GNAL: variants seen among roughly 807,000 people sequenced by gnomAD.
GNAL encodes G protein subunit alpha L, also known as guanine nucleotide-binding protein G(olf) subunit alpha.
Under a neutral mutation model 55.1 loss-of-function variants are expected in GNAL, and 18 were observed. The observed-to-expected ratio is 0.33, with a 90% CI of 0.23 to 0.48. The LOEUF (loss-of-function observed/expected upper bound fraction) is 0.48, where lower values mean the gene tolerates loss of function less well. GNAL is among the 20% of genes least tolerant of loss of function. The probability of loss-of-function intolerance (pLI) is 0.99; values close to 1 mark genes in which losing one functional copy is unlikely to be tolerated. For synonymous variants in GNAL, 253 were observed against 237.0 expected (o/e 1.07, Z -0.62); for missense variants, 412 against 614.1 (o/e 0.67, Z 3.48).
Position 11,881,230 on chromosome 18 carries a change from C to T in GNAL, c.*95C>T, listed in dbSNP as rs2036683579. The T allele has an allele frequency of 2.2e-5, 28 of 1,253,326 alleles. 1 individual carries two copies. The highest frequency in any genetic ancestry group is 3.0e-5 in the African/African-American group (2 of 67,636). 77.6% of individuals were successfully genotyped at this position (1,253,326 alleles called of 1,614,324 possible). The stretch of plus-strand genomic sequence containing the variant: ...GGAGGCAGAGTCTCTAGTTCCATCT[C>T]GCTGCCGTCTGTCCCGTTCTGTGTC... On this transcript the variant is annotated 3_prime_UTR_variant, in exon 12 of 12. Coordinates refer to ENST00000334049, the MANE Select transcript of GNAL (RefSeq NM_182978.4). The surrounding 1 kb of genome is among the most constrained non-coding windows in gnomAD (Gnocchi z 4.8).
rs66803403 is a variant in GNAL, at chr18:11,786,436, C to CTTTTTT, written c.624+32516_624+32521dup. On this transcript the variant is annotated intron_variant, in intron 4 of 11. Coordinates refer to ENST00000334049, the MANE Select transcript of GNAL (RefSeq NM_182978.4). ...GGTGGGATAGATCTTCATACGTTTT[C>CTTTTTT]TTTTTTTTTTTTTTTTTTTTTTTTT... is the stretch of plus-strand genomic sequence containing the variant. Among the ~76,000 whole-genome samples, 258 of 60,700 alleles carry CTTTTTT rather than the reference C, an allele frequency of 4.3e-3. 17 individuals carry two copies. The highest frequency in any genetic ancestry group is 0.017 in the Middle Eastern group (1 of 60). 39.8% of individuals were successfully genotyped at this position (60,700 alleles called of 152,430 possible).
At chr18:11,876,898 CAGAGCCTGGGTG>C (rs1266325742) in intron 11 of GNAL, among the ~76,000 whole-genome samples, 1 of 152,206 alleles carries the variant, frequency 6.6e-6, no homozygotes, top group Admixed American at 6.5e-5. Context: ...TTCCAACCAG[CAGAGCCTGGGTG>C]AGAACACAGC....
rs1322637092 is a variant in GNAL at position 11,753,862 on chromosome 18, G to A, written c.541G>A (p.Val181Ile). 14 of 1,609,578 alleles carry A rather than the reference G, an allele frequency of 8.7e-6. No homozygotes were observed. Among genetic ancestry groups the A allele is most frequent in the African/African-American group, 1.3e-5 (1 of 74,768 alleles). ...AGCAATGAGTACTATAATACCTCCA[G>A]TTCCGCTGGCCAACCCTGAAAACCA... ...VSAMSTIIPP[V>I]PLANPENQFR... Residue 181 changes from valine to isoleucine, a missense_variant, in exon 4 of 12, where the codon GTT (valine) becomes ATT (isoleucine). By Grantham distance (29) the Val-to-Ile change is conservative (BLOSUM62 3). Coordinates refer to ENST00000334049, the MANE Select transcript of GNAL (RefSeq NM_182978.4).
chr18:11,848,848 T>G (rs1231905603), intron 5 of GNAL, among the ~76,000 whole-genome samples: 5 of 152,224 alleles, frequency 3.3e-5, no homozygotes, highest in Non-Finnish European at 7.3e-5. Context: ...CTTCTTTCTT[T>G]AGGCTACATG....
intron 5 of GNAL, among the ~76,000 whole-genome samples, chr18:11,855,369 C>T (rs545748934): frequency 6.6e-6 from 1 of 152,352 alleles, no homozygotes; most frequent in South Asian, 2.1e-4. Context: ...AACTAGTTAA[C>T]TAGTTAATCT....
chr18:11,851,643 C>T, intron 5 of GNAL: 1 of 1,613,974 alleles, frequency 6.2e-7, no homozygotes, highest in East Asian at 2.2e-5. Flanking sequence ...AGAAGGGCAA[C>T]ATGGAAGTTG....
intron 1 of GNAL, among the ~76,000 whole-genome samples, chr18:11,714,349 C>T (rs2031904259): frequency 6.6e-6 from 1 of 151,880 alleles, no homozygotes; most frequent in African/African-American, 2.4e-5. Context: ...AAAGAGCAGA[C>T]AGGAGGGGAA....
At position 11,825,090 on chromosome 18, in the gene GNAL, G is replaced by A; in HGVS notation, c.722+75G>A. 3.7e-6 allele frequency: 3 copies of A among 815,096 alleles called. No homozygotes were observed. The South Asian group carries it at 4.7e-5, about 13-fold the overall frequency. The allele number at this position is 815,096 out of a possible 1,614,324, so 50.5% of individuals were successfully genotyped here. On this transcript the variant is annotated intron_variant, in intron 5 of 11. Transcript: ENST00000334049. ...CATGCATGATTATGCTGCCTTCTCA[G>A]TACTGAAGTTTCTTGAGTGCAAGGA... is the stretch of plus-strand genomic sequence containing the variant.
intron 4 of GNAL, among the ~76,000 whole-genome samples, chr18:11,761,738 A>T (rs2143186147): frequency 6.6e-6 from 1 of 152,216 alleles, no homozygotes; most frequent in East Asian, 1.9e-4. Context: ...ACCGCAGTGC[A>T]CCTTTGCTTC....
intron 1 of GNAL, among the ~76,000 whole-genome samples, chr18:11,748,133 A>T (rs1021161227): frequency 1.3e-5 from 2 of 152,180 alleles, no homozygotes; most frequent in African/African-American, 4.8e-5. Context: ...TGGGTTAAAA[A>T]TTTTTTTAAG....
chr18:11,825,128 C>A (rs964547411), intron 5 of GNAL, 113 bp downstream of exon 5: 19 of 642,686 alleles, frequency 3.0e-5, no homozygotes, highest in Non-Finnish European at 5.2e-5. Context: ...GAATAATTAA[C>A]CTTTTATGAC....
intron 1 of GNAL, among the ~76,000 whole-genome samples, chr18:11,747,905 G>T (rs1162537961): frequency 2.6e-5 from 4 of 152,136 alleles, no homozygotes; most frequent in African/African-American, 9.7e-5. Context: ...GGTCCCCGCA[G>T]GTGGGTGTGT....
intron 1 of GNAL, among the ~76,000 whole-genome samples, chr18:11,732,386 T>A (rs1330533625): frequency 6.6e-6 from 1 of 152,248 alleles, no homozygotes; most frequent in African/African-American, 2.4e-5. Context: ...TGAGATGTTA[T>A]TCACTGTGCT....
chr18:11,851,565 G>T, intron 5 of GNAL: 1 of 1,611,992 alleles, frequency 6.2e-7, no homozygotes, highest in Admixed American at 1.7e-5. Flanking sequence ...CCAAAGAACT[G>T]AGTAGGAGTG....
At chr18:11,874,904 T>G (rs2036495244) in intron 10 of GNAL, among the ~76,000 whole-genome samples, 1 of 143,762 alleles carries the variant, frequency 7.0e-6, no homozygotes, top group African/African-American at 2.6e-5. Flanking sequence ...CTTCTATGAA[T>G]CTGTGAGTAA....
chr18:11,867,421 G>A (rs191788752), intron 8 of GNAL, among the ~76,000 whole-genome samples, 195 bp downstream of exon 8: 93 of 152,244 alleles, frequency 6.1e-4, no homozygotes, highest in Admixed American at 1.1e-3. Flanking sequence ...GCTCACGCCC[G>A]TAATCCCAGC....
intron 4 of GNAL, among the ~76,000 whole-genome samples, chr18:11,755,826 C>T (rs1016510086): frequency 3.9e-5 from 6 of 152,148 alleles, no homozygotes; most frequent in African/African-American, 1.2e-4. Flanking sequence ...CCAGGATCCT[C>T]TGCTAACTGG....
chr18:11,689,752 C>T lies in GNAL; in HGVS notation c.189C>T (p.Cys63=). The change falls in exon 1 of 12, where the codon TGC becomes TGT. Residue 63 remains cysteine, a synonymous_variant. Coordinates refer to ENST00000334049, the MANE Select transcript of GNAL (RefSeq NM_182978.4). ...LPRGGEGSPA[C]ARPKADKPKE... is the part of the protein sequence containing the mutation. ...GGGGCGGCGAAGGGAGCCCGGCATG[C>T]GCTCGGCCCAAAGCAGACAAGCCGA... 2 of 1,509,824 alleles carry T rather than the reference C, an allele frequency of 1.3e-6. No homozygotes were observed. Among genetic ancestry groups the T allele is most frequent in the East Asian group, 2.8e-5 (1 of 35,908 alleles). 93.5% of individuals were successfully genotyped at this position (1,509,824 alleles called of 1,614,324 possible).
intron 1 of GNAL, among the ~76,000 whole-genome samples, chr18:11,748,507 C>T (rs1253194573): frequency 7.1e-6 from 1 of 140,912 alleles, no homozygotes; most frequent in Non-Finnish European, 1.5e-5. Context: ...ATATTAACTT[C>T]CTGGGTATAT....
Sources: allele counts gnomAD v4.1 joint callset (sites outside exome capture counted in the v4.1 genomes callset), GRCh38; gene constraint gnomAD v4.1.1; non-coding constraint Gnocchi (gnomAD v3.1); transcripts MANE v1.5; gene names NCBI Gene and HGNC (gene_info 2026-07-23, HGNC 2026-07-21).